The following VAV1 variants were observed in gnomAD, a reference collection of about 807,000 sequenced individuals.
VAV1 encodes the protein proto-oncogene vav.
A neutral mutation model predicts 128.1 loss-of-function variants in VAV1; 33 were observed. The ratio of observed to expected loss-of-function variants is 0.26; its 90% CI spans 0.20 to 0.34. VAV1 has a LOEUF of 0.34. Among genes scored for constraint, VAV1 ranks in the 10% least tolerant of loss-of-function variants. VAV1 has a pLI of 1.00. For missense variants in VAV1, 715 were observed against 1,093.7 expected (o/e 0.65, Z 4.88); for synonymous variants, 394 against 409.8 (o/e 0.96, Z 0.47).
intron 22 of VAV1, among the ~76,000 whole-genome samples, chr19:6,847,366 T>C (rs1412458348): frequency 6.6e-6 from 1 of 152,104 alleles, no homozygotes; most frequent in Non-Finnish European, 1.5e-5. Context: ...TCTCTGTGGA[T>C]TGGCGTGTTC....
chr19:6,828,252 G>A lies in VAV1; in HGVS notation c.1023+81G>A. The A allele has an allele frequency of 6.4e-7, 1 of 1,565,494 alleles. No individual in the cohort carries two copies. The highest frequency in any genetic ancestry group is 8.7e-7 in the Non-Finnish European group (1 of 1,144,376). ...AAAGTGGGGACGGGGCTGGCTTCTG[G>A]GGGTTGGGTCTCTAGGACGCTCGGG... On this transcript the variant is annotated intron_variant, in intron 10 of 26. Coordinates refer to ENST00000602142, the MANE Select transcript of VAV1 (RefSeq NM_005428.4). This position sits in a 1 kb window ranked among gnomAD's most constrained non-coding sequence, Gnocchi z 4.5.
At chr19:6,812,888 A>G (rs937130307) in intron 1 of VAV1, among the ~76,000 whole-genome samples, 1 of 152,136 alleles carries the variant, frequency 6.6e-6, no homozygotes, top group Non-Finnish European at 1.5e-5. Flanking sequence ...GATGGTGGTG[A>G]TGATGATATT....
chr19:6,776,660 TTTTC>T (rs1970649980), intron 1 of VAV1, among the ~76,000 whole-genome samples: 1 of 140,850 alleles, frequency 7.1e-6, no homozygotes, highest in African/African-American at 2.7e-5. Context: ...ATCCATCTAC[TTTTC>T]CATCCATGTA....
intron 19 of VAV1, 49 bp from the exon 20 acceptor site, chr19:6,836,383 T>C (rs781036171): frequency 1.3e-6 from 2 of 1,577,462 alleles, no homozygotes; most frequent in Non-Finnish European, 1.7e-6. Context: ...AGATTCAGGG[T>C]TGAAAGTTGA....
chr19:6,838,392 T>TATCCATCCATCC (rs60060059), intron 21 of VAV1, among the ~76,000 whole-genome samples: 1 of 146,140 alleles, frequency 6.8e-6, no homozygotes, highest in East Asian at 2.0e-4. Flanking sequence ...TCAGTTCTTC[T>TATCCATCCATCC]ATCCATCCAT....
At chr19:6,854,710 TA>T (rs1415240242) in intron 26 of VAV1, among the ~76,000 whole-genome samples, 1 of 151,620 alleles carries the variant, frequency 6.6e-6, no homozygotes, top group Non-Finnish European at 1.5e-5. Flanking sequence ...ACCCTGTCTT[TA>T]AAAAAAAGAA....
At position 6,822,657 on chromosome 19, in the gene VAV1, G is replaced by C. The variant is rs1393662767; in HGVS notation, c.654+143G>C. ...CCTTTCTGTGACTGTCTCCGTCTCT[G>C]AGTTTCTCTGACTTACATATGTATA... On this transcript the variant is annotated intron_variant, in intron 6 of 26. Transcript: ENST00000602142. This position sits in a 1 kb window ranked among gnomAD's most constrained non-coding sequence, Gnocchi z 5.9. 4 of 630,478 alleles carry C rather than the reference G, an allele frequency of 6.3e-6. No individual in the cohort carries two copies. Among genetic ancestry groups the C allele is most frequent in the Non-Finnish European group, 1.1e-5 (4 of 372,394 alleles). The allele number at this position is 630,478 out of a possible 1,614,324, so 39.1% of individuals were successfully genotyped here.
At chr19:6,782,204 C>T (rs982383012) in intron 1 of VAV1, among the ~76,000 whole-genome samples, 2 of 151,988 alleles carry the variant, frequency 1.3e-5, no homozygotes, top group African/African-American at 4.8e-5. Flanking sequence ...CTGGTGGGCA[C>T]CTGTAATCCC....
At position 6,780,118 on chromosome 19, in the gene VAV1, TA is replaced by T. The variant is rs1555697916; in HGVS notation, c.204+7109del. ...AGAGCAAGACTCTGTCTTAAAATAA[TA>T]ATAATAATAATAATAATAATAATAA... On this transcript the variant is annotated intron_variant, in intron 1 of 26. Coordinates refer to ENST00000602142, the MANE Select transcript of VAV1 (RefSeq NM_005428.4). Among the ~76,000 whole-genome samples the T allele has an allele frequency of 2.7e-5, 2 of 74,978 alleles. 1 individual carries two copies. Among genetic ancestry groups the T allele is most frequent in the Non-Finnish European group, 5.7e-5 (2 of 35,398 alleles). 49.2% of individuals were successfully genotyped at this position (74,978 alleles called of 152,430 possible).
chr19:6,844,707 A>G (rs543854575), intron 22 of VAV1, among the ~76,000 whole-genome samples: 9 of 152,160 alleles, frequency 5.9e-5, no homozygotes, highest in Non-Finnish European at 1.2e-4. Context: ...CTCCTGCGTT[A>G]GCGCTCCTTC....
chr19:6,817,334 G>A (rs772056486), intron 1 of VAV1, among the ~76,000 whole-genome samples: 4 of 151,892 alleles, frequency 2.6e-5, no homozygotes, highest in Non-Finnish European at 5.9e-5. Flanking sequence ...AAAGTGCTGC[G>A]ATTACAGGGA....
In VAV1 at chr19:6,777,275, A is replaced by G. The variant is rs1223537592; in HGVS notation, c.204+4264A>G. On this transcript the variant is annotated intron_variant, in intron 1 of 26. Transcript: ENST00000602142. The surrounding 1 kb of genome is among the most constrained non-coding windows in gnomAD (Gnocchi z 4.4). ...CATCCATCCATCCATCCATCCATCC[A>G]TCCATCCATCCAGCAATGACAAGGT... 6.6e-6 allele frequency among the ~76,000 whole-genome samples: 1 copy of G among 151,542 alleles called. No homozygotes were observed. The highest frequency in any genetic ancestry group is 2.4e-5 in the African/African-American group (1 of 41,222).
chr19:6,795,830 C>T (rs1257793235), intron 1 of VAV1, among the ~76,000 whole-genome samples: 1 of 152,134 alleles, frequency 6.6e-6, no homozygotes, highest in Non-Finnish European at 1.5e-5. Context: ...ACTACAGGCG[C>T]GTGCCACCGC....
In VAV1 at chr19:6,857,189, A is replaced by C; in HGVS notation, c.*82A>C. ...AGGCAGCGGAGCCAGGGGCTGTGAC[A>C]GCTCCCGGCGGGTGGAGACTTTGGG... On this transcript the variant is annotated 3_prime_UTR_variant, in exon 27 of 27. Transcript: ENST00000602142. The C allele has an allele frequency of 6.3e-7, 1 of 1,591,608 alleles. No homozygotes were observed. The highest frequency in any genetic ancestry group is 8.6e-7 in the Non-Finnish European group (1 of 1,168,164).
intron 1 of VAV1, among the ~76,000 whole-genome samples, chr19:6,799,862 A>AG (rs1218221219): frequency 6.6e-6 from 1 of 151,376 alleles, no homozygotes; most frequent in East Asian, 1.9e-4. Flanking sequence ...AAAAAAAAAA[A>AG]AAAAGGAAAG....
chr19:6,834,482 G>A (rs1200776583), intron 19 of VAV1, among the ~76,000 whole-genome samples: 2 of 151,238 alleles, frequency 1.3e-5, no homozygotes, highest in African/African-American at 2.4e-5. Flanking sequence ...GACCTCAGGT[G>A]ATCTGCCTGC....
In VAV1 at chr19:6,831,478, A is replaced by AT. The variant is rs1035904565; in HGVS notation, c.1399-606dup. Among the ~76,000 whole-genome samples, 17 of 151,800 alleles carry AT rather than the reference A, an allele frequency of 1.1e-4. 1 individual carries two copies. Among genetic ancestry groups the AT allele is most frequent in the African/African-American group, 3.4e-4 (14 of 41,328 alleles). Reference sequence around the variant, plus strand: ...AGGTGCCCGCCACCACGCCCAGCTAATTTTTTTGTATTTTTAGTAGAGACG... The same window carrying AT: ...AGGTGCCCGCCACCACGCCCAGCTAATTTTTTTTGTATTTTTAGTAGAGACG... On this transcript the variant is annotated intron_variant, in intron 14 of 26. Coordinates refer to ENST00000602142, the MANE Select transcript of VAV1 (RefSeq NM_005428.4).
At chr19:6,785,485 C>T (rs1337046162) in intron 1 of VAV1, among the ~76,000 whole-genome samples, 3 of 151,462 alleles carry the variant, frequency 2.0e-5, no homozygotes, top group Non-Finnish European at 4.4e-5. Context: ...GCATGTGCCA[C>T]CATGCCTGGC....
At chr19:6,807,147 G>C (rs1971413522) in intron 1 of VAV1, among the ~76,000 whole-genome samples, 1 of 152,186 alleles carries the variant, frequency 6.6e-6, no homozygotes, top group South Asian at 2.1e-4. Context: ...ACCAGAGTTA[G>C]GGGGGATGGT....
Sources: allele counts gnomAD v4.1 joint callset (sites outside exome capture counted in the v4.1 genomes callset), GRCh38; gene constraint gnomAD v4.1.1; non-coding constraint Gnocchi (gnomAD v3.1); transcripts MANE v1.5; gene names NCBI Gene and HGNC (gene_info 2026-07-23, HGNC 2026-07-21).